TPD52: variants seen among roughly 807,000 people sequenced by gnomAD.
The protein encoded by TPD52 is prostate and colon associated protein.
A neutral mutation model predicts 31.3 loss-of-function variants in TPD52; 17 were observed. That is an observed-to-expected ratio of 0.54 (90% CI 0.37 to 0.82). TPD52 has a LOEUF of 0.82. TPD52 is among the 40% of genes least tolerant of loss of function. The pLI is 0.00. For missense variants in TPD52, 212 were observed against 240.1 expected (o/e 0.88, Z 0.77); for synonymous variants, 83 against 89.6 (o/e 0.93, Z 0.42).
chr8:80,119,749 A>C (rs1808122257), intron 1 of TPD52: 1 of 310,324 alleles, frequency 3.2e-6, no homozygotes, highest in South Asian at 2.7e-5. Context: ...AATAAACAAA[A>C]CATTTGAAAC....
chr8:80,153,210 C>T (rs377047986), intron 1 of TPD52, among the ~76,000 whole-genome samples: 1 of 152,158 alleles, frequency 6.6e-6, no homozygotes, highest in Admixed American at 6.5e-5. Context: ...CAGGAAAATA[C>T]GAACTACATT....
chr8:80,052,268 C>G lies in TPD52; in HGVS notation c.285-640G>C, dbSNP rs182818696. Among the ~76,000 whole-genome samples the G allele has an allele frequency of 4.3e-3, 648 of 152,272 alleles. 4 individuals are homozygous for G. The highest frequency in any genetic ancestry group is 0.013 in the African/African-American group (558 of 41,562). On this transcript the variant is annotated intron_variant, in intron 3 of 7. Coordinates refer to ENST00000518937, the MANE Select transcript of TPD52 (RefSeq NM_001025253.3). ...CAAAGCTATAATTTACCACCTCCTT[C>G]CCAGCTACCTGGAGATTAGAGAAGA...
At chr8:80,143,374 G>A (rs528507338) in intron 1 of TPD52, among the ~76,000 whole-genome samples, 1 of 152,260 alleles carries the variant, frequency 6.6e-6, no homozygotes, top group Non-Finnish European at 1.5e-5. Flanking sequence ...AGGGTCCAGG[G>A]TTGAAAACAT....
intron 7 of TPD52, 141 bp downstream of exon 7, chr8:80,042,479 C>T (rs775251325): frequency 6.3e-4 from 893 of 1,426,844 alleles, no homozygotes; most frequent in Non-Finnish European, 7.9e-4. Context: ...TAAATGTCCA[C>T]TAGTAACATA....
At position 80,042,658 on chromosome 8, in the gene TPD52, T is replaced by C; in HGVS notation, c.466A>G (p.Thr156Ala). The C allele has an allele frequency of 6.2e-7, 1 of 1,611,812 alleles. No homozygotes were observed. The highest frequency in any genetic ancestry group is 8.5e-7 in the Non-Finnish European group (1 of 1,179,056). Residue 156 changes from threonine to alanine, a missense_variant, in exon 7 of 8, where the codon ACT becomes GCT. Coordinates refer to ENST00000518937, the MANE Select transcript of TPD52 (RefSeq NM_001025253.3). ...ISMPAMRNSP[T>A]FKSFEEKVEN... Reference sequence around the variant, plus strand: ...ACCTTTTCTTCAAATGATTTAAAAGTTGGGGAGTTTCTATGGAGAGAAAAG... The same window carrying C: ...ACCTTTTCTTCAAATGATTTAAAAGCTGGGGAGTTTCTATGGAGAGAAAAG...
intron 1 of TPD52, among the ~76,000 whole-genome samples, chr8:80,126,739 T>A (rs1364924310): frequency 6.6e-6 from 1 of 152,136 alleles, no homozygotes; most frequent in Non-Finnish European, 1.5e-5. Flanking sequence ...CGCCTCAGCC[T>A]CCCTATGTGC....
intron 1 of TPD52, chr8:80,127,511 C>T (rs1808699463): frequency 6.6e-6 from 1 of 152,168 alleles, no homozygotes; most frequent in Admixed American, 6.6e-5. Context: ...GGCTATAGAG[C>T]TCTTGGTTCT....
At chr8:80,080,354 T>A (rs1391635707) in intron 1 of TPD52, 1 of 1,614,152 alleles carries the variant, frequency 6.2e-7, no homozygotes, top group Admixed American at 1.7e-5. Context: ...GGAGATGAAT[T>A]TCCACTAGGA....
downstream of TPD52, among the ~76,000 whole-genome samples, chr8:80,034,025 A>C (rs1809762605): frequency 6.6e-6 from 1 of 151,846 alleles, no homozygotes; most frequent in South Asian, 2.1e-4. Context: ...CACCATCAAC[A>C]TGCCATCCAG....
intron 1 of TPD52, among the ~76,000 whole-genome samples, chr8:80,167,113 A>C (rs930092467): frequency 1.3e-5 from 2 of 152,172 alleles, no homozygotes; most frequent in Non-Finnish European, 2.9e-5. Flanking sequence ...CTTCCACTAA[A>C]TATTAAAATT....
At position 80,037,384 on chromosome 8, in the gene TPD52, AAAAT is replaced by A. The variant is rs1409055077; in HGVS notation, c.*728_*731del. On this transcript the variant is annotated 3_prime_UTR_variant, in exon 8 of 8. Transcript: ENST00000518937. The stretch of plus-strand genomic sequence containing the variant: ...AGAAATTAAAATTTTAACCTGGTGA[AAAAT>A]AAGTTGATATAAGTGGTATAATAAA... 1 of 152,206 alleles carries A rather than the reference AAAAT, an allele frequency of 6.6e-6. No individual in the cohort carries two copies. Among genetic ancestry groups the A allele is most frequent in the Non-Finnish European group, 1.5e-5 (1 of 68,026 alleles). The allele number at this position is 152,206 out of a possible 1,614,324, so 9.4% of individuals were successfully genotyped here.
At chr8:80,064,047 TAGGGA>T (rs2130683209) in intron 2 of TPD52, among the ~76,000 whole-genome samples, 1 of 68,402 alleles carries the variant, frequency 1.5e-5, no homozygotes, top group East Asian at 4.3e-4. Flanking sequence ...GAAGGCAGGG[TAGGGA>T]AGGGAAGGGA....
Position 80,166,517 on chromosome 8 carries a change from C to T in TPD52, c.19+4908G>A, listed in dbSNP as rs562137674. ...AAAGTGCTGAGATTACAGGCATGAG[C>T]CACCACATGCGGCCATTAAAGTGTA... On this transcript the variant is annotated intron_variant, in intron 1 of 7. Transcript: ENST00000518937. 1.8e-4 allele frequency among the ~76,000 whole-genome samples: 27 copies of T among 151,656 alleles called. No homozygotes were observed. In the South Asian group the frequency reaches 5.6e-3, roughly 32 times the overall value.
chr8:80,068,179 A>G (rs912855385), intron 1 of TPD52, among the ~76,000 whole-genome samples: 3 of 152,134 alleles, frequency 2.0e-5, no homozygotes, highest in African/African-American at 7.2e-5. Context: ...GGAAGTCTAC[A>G]TGTTATCTTA....
At chr8:80,040,455 G>A (rs1810273687) in intron 7 of TPD52, among the ~76,000 whole-genome samples, 1 of 152,086 alleles carries the variant, frequency 6.6e-6, no homozygotes, top group Non-Finnish European at 1.5e-5. Flanking sequence ...CTCACAAAGT[G>A]CTGGAATTAC....
chr8:80,118,143 G>A (rs779230254), intron 1 of TPD52, among the ~76,000 whole-genome samples: 5 of 152,226 alleles, frequency 3.3e-5, no homozygotes, highest in East Asian at 1.9e-4. Flanking sequence ...TTCAGAGTTC[G>A]GAAATAGACA....
At chr8:80,123,446 G>A (rs1208976577) in intron 1 of TPD52, among the ~76,000 whole-genome samples, 3 of 152,226 alleles carry the variant, frequency 2.0e-5, no homozygotes, top group Non-Finnish European at 2.9e-5. Context: ...ATATATTCCA[G>A]CCGGGCACAA....
At chr8:80,164,017 A>AGAGAGT (rs1811539641) in intron 1 of TPD52, among the ~76,000 whole-genome samples, 1 of 117,800 alleles carries the variant, frequency 8.5e-6, no homozygotes, top group Admixed American at 8.4e-5. Context: ...TAACTGTGAG[A>AGAGAGT]GAGAGACAGA....
chr8:80,074,427 G>T (rs536599398), intron 1 of TPD52, among the ~76,000 whole-genome samples: 1 of 152,306 alleles, frequency 6.6e-6, no homozygotes, highest in African/African-American at 2.4e-5. Flanking sequence ...AGGAATATTT[G>T]CAAGTCCCCA....
Sources: allele counts gnomAD v4.1 joint callset (sites outside exome capture counted in the v4.1 genomes callset), GRCh38; gene constraint gnomAD v4.1.1; transcripts MANE v1.5; gene names NCBI Gene and HGNC (gene_info 2026-07-23, HGNC 2026-07-21).